The following KRT18 variants were observed in gnomAD, a reference collection of about 807,000 sequenced individuals.
The protein encoded by KRT18 is keratin, type I cytoskeletal 18.
KRT18 carries 8 observed loss-of-function variants against 39.9 expected under a neutral mutation model. That is an observed-to-expected ratio of 0.20 (90% confidence interval 0.12 to 0.36). KRT18 has a LOEUF of 0.36. KRT18 is among the 10% of genes least tolerant of loss of function. The pLI is 1.00. For synonymous variants in KRT18, 194 were observed against 227.8 expected (o/e 0.85, Z 1.33); for missense variants, 396 against 565.7 (o/e 0.70, Z 3.04).
At chr12:52,952,380 G>A (rs1273919958) in intron 6 of KRT18, 38 bp downstream of exon 6, 2 of 1,364,818 alleles carry the variant, frequency 1.5e-6, no homozygotes, top group East Asian at 2.4e-5. Flanking sequence ...GCTGGGATCA[G>A]GAGATCACTT....
chr12:52,952,363 C>A, intron 6 of KRT18, 21 bp downstream of exon 6: 1 of 1,487,118 alleles, frequency 6.7e-7, no homozygotes, highest in Non-Finnish European at 9.3e-7. Flanking sequence ...CTCTCCTACC[C>A]ACACGTGCTG....
chr12:52,951,672 A>C, intron 4 of KRT18, 27 bp downstream of exon 4: 2 of 1,613,304 alleles, frequency 1.2e-6, no homozygotes, highest in South Asian at 2.2e-5. Context: ...GATGGCTGCC[A>C]AGGTGTGGGA....
chr12:52,952,281 G>A lies in KRT18; in HGVS notation c.1111G>A (p.Val371Ile), dbSNP rs1332941249. Residue 371 changes from valine to isoleucine, a missense_variant, in exon 6 of 7, where the codon GTC (valine) becomes ATC (isoleucine). Val to Ile is a conservative substitution (Grantham distance 29). Transcript: ENST00000388835. Reference sequence around the variant, plus strand: ...GTATGAGGCCCTGCTGAACATCAAGGTCAAGCTGGAGGCTGAGATCGCCAC... The same window carrying A: ...GTATGAGGCCCTGCTGAACATCAAGATCAAGCTGGAGGCTGAGATCGCCAC... Reference protein sequence around the residue: ...QEYEALLNIKVKLEAEIATYR... With the variant: ...QEYEALLNIKIKLEAEIATYR... The A allele has an allele frequency of 6.2e-7, 1 of 1,608,970 alleles. No individual in the cohort carries two copies.
rs559688080 is a variant in KRT18 at position 52,952,460 on chromosome 12, G to A, written c.1172+118G>A. The A allele has an allele frequency of 3.7e-4, 302 of 818,812 alleles. 1 individual carries two copies. The highest frequency in any genetic ancestry group is 3.1e-3 in the East Asian group (117 of 37,748). The allele number at this position is 818,812 out of a possible 1,614,324, so 50.7% of individuals were successfully genotyped here. A position where few individuals can be genotyped will look rare whatever the true frequency, so the allele number is the denominator to read the frequency against. ...ACTGGTATCCACTGAGCACTGGGCC[G>A]TTGCTCCGTGGGTGCTCCTGTGTCT... On this transcript the variant is annotated intron_variant, in intron 6 of 6. Transcript: ENST00000388835.
At chr12:52,949,833 T>C (rs1311541257) in intron 1 of KRT18, 1 of 702,760 alleles carries the variant, frequency 1.4e-6, no homozygotes, top group Non-Finnish European at 2.6e-6. Flanking sequence ...ACAGAGGAAG[T>C]GGACAGCATG....
intron 2 of KRT18, 73 bp downstream of exon 2, chr12:52,950,483 G>A (rs963757051): frequency 9.0e-6 from 10 of 1,111,524 alleles, no homozygotes; most frequent in Admixed American, 3.4e-5. Flanking sequence ...GGCTGGGTCA[G>A]TTAGGGGCTC....
In KRT18 at chr12:52,950,773, G is replaced by A. The variant is rs1217770008; in HGVS notation, c.524G>A (p.Arg175His). ...AGGTATGAGACAGAGCTGGCCATGCGCCAGTCTGTGGAGAACGACATCCAT... is the reference window on the plus strand; with the variant it reads ...AGGTATGAGACAGAGCTGGCCATGCACCAGTCTGTGGAGAACGACATCCAT... ...RVKYETELAM[R>H]QSVENDIHGL... The change falls in exon 3 of 7, where the codon CGC becomes CAC. Residue 175 changes from arginine (R) to histidine (H), a missense_variant. Physicochemically the swap from Arg to His is conservative, Grantham distance 29 (BLOSUM62 0). Transcript: ENST00000388835. 8.1e-6 allele frequency: 13 copies of A among 1,610,712 alleles called. No individual in the cohort carries two copies. The East Asian group carries it at 8.9e-5, about 11-fold the overall frequency.
rs1371758556 is a variant in KRT18, at chr12:52,952,759, A to G, written c.1210A>G (p.Thr404Ala). The change falls in exon 7 of 7, where the codon ACC becomes GCC. Residue 404 changes from threonine (T) to alanine (A), a missense_variant. By Grantham distance (58) the Thr-to-Ala change is moderately conservative. Transcript: ENST00000388835. ...DALDSSNSMQTIQKTTTRRIV... is the reference protein window; with the variant it reads ...DALDSSNSMQAIQKTTTRRIV... ...CTTGGACAGCAGCAACTCCATGCAAACCATCCAAAAGACCACCACCCGCCG... is the reference window on the plus strand; with the variant it reads ...CTTGGACAGCAGCAACTCCATGCAAGCCATCCAAAAGACCACCACCCGCCG... 1.9e-6 allele frequency: 3 copies of G among 1,613,048 alleles called. No homozygotes were observed.
rs1221150860 is a variant in KRT18, at chr12:52,949,752, AAGAGCAGCAGCTAGGCATGGGAGG to A, written c.417+163_417+186del. ...CCGCGCACCTAGCCACAGGGTCCCT[AAGAGCAGCAGCTAGGCATGGGAGG>A]GCTCTTTCCCAGGAGAGAGGGGGAA... On this transcript the variant is annotated intron_variant, in intron 1 of 6. Coordinates refer to ENST00000388835, the MANE Select transcript of KRT18 (RefSeq NM_000224.3). The A allele has an allele frequency of 6.8e-6, 5 of 734,946 alleles. No individual in the cohort carries two copies. The East Asian group carries it at 1.3e-4, about 20-fold the overall frequency. The allele number at this position is 734,946 out of a possible 1,614,324, so 45.5% of individuals were successfully genotyped here.
At chr12:52,952,397 A>C in intron 6 of KRT18, 55 bp downstream of exon 6, 1 of 1,275,274 alleles carries the variant, frequency 7.8e-7, no homozygotes, top group Non-Finnish European at 1.1e-6. Flanking sequence ...ACTTCTCCCC[A>C]AAGTCTGAGC....
intron 1 of KRT18, 47 bp from the exon 2 acceptor site, chr12:52,950,281 C>A: frequency 7.3e-7 from 1 of 1,373,142 alleles, no homozygotes; most frequent in Non-Finnish European, 1.0e-6. Context: ...CCCCACCCAT[C>A]CCTGGCTTTC....
chr12:52,951,043 G>C, intron 3 of KRT18, 137 bp downstream of exon 3: 1 of 821,538 alleles, frequency 1.2e-6, no homozygotes, highest in Non-Finnish European at 1.9e-6. Context: ...TCTTAAATAA[G>C]ACCGTTCTGA....
chr12:52,949,046 C>G, upstream of KRT18: 1 of 896,286 alleles, frequency 1.1e-6, no homozygotes, highest in Admixed American at 2.0e-5. Flanking sequence ...GTGGCTCCGG[C>G]TTCCGAAGCG....
chr12:52,950,472 A>G (rs1008038912), intron 2 of KRT18, 62 bp downstream of exon 2: 57 of 1,233,500 alleles, frequency 4.6e-5, no homozygotes, highest in Non-Finnish European at 6.8e-5. Flanking sequence ...TCTGCTCCCC[A>G]GGCTGGGTCA....
chr12:52,951,726 T>C lies in KRT18; in HGVS notation c.823-5T>C, dbSNP rs371482556. On this transcript the variant is annotated splice_polypyrimidine_tract_variant and splice_region_variant and intron_variant, in intron 4 of 6. Coordinates refer to ENST00000388835, the MANE Select transcript of KRT18 (RefSeq NM_000224.3). The stretch of plus-strand genomic sequence containing the variant: ...GGGGCCTGATGGACTGTCCCCATCC[T>C]GCAGATTGAGGAGAGCACCACAGTG... The C allele has an allele frequency of 1.6e-5, 26 of 1,613,324 alleles. No homozygotes were observed. In the Middle Eastern group the frequency reaches 5.3e-4, roughly 33 times the overall value.
Position 52,949,419 on chromosome 12 carries a change from G to A in KRT18, c.246G>A (p.Glu82=). Reference sequence around the variant, plus strand: ...TGGGAGGCATCCAGAACGAGAAGGAGACCATGCAAAGCCTGAACGACCGCC... The same window carrying A: ...TGGGAGGCATCCAGAACGAGAAGGAAACCATGCAAAGCCTGAACGACCGCC... The part of the protein sequence containing the change: ...AGMGGIQNEK[E]TMQSLNDRLA... The change falls in exon 1 of 7, where the codon GAG becomes GAA. Residue 82 remains glutamate, a synonymous_variant. Coordinates refer to ENST00000388835, the MANE Select transcript of KRT18 (RefSeq NM_000224.3). 6.2e-7 allele frequency: 1 copy of A among 1,612,770 alleles called. No homozygotes were observed. Among genetic ancestry groups the A allele is most frequent in the Non-Finnish European group, 8.5e-7 (1 of 1,180,042 alleles).
chr12:52,952,452 A>G (rs1006610943), intron 6 of KRT18, 110 bp downstream of exon 6: 14 of 850,582 alleles, frequency 1.6e-5, no homozygotes, highest in African/African-American at 6.6e-5. Context: ...TCCACTGAGC[A>G]CTGGGCCGTT....
intron 5 of KRT18, 85 bp downstream of exon 5, chr12:52,951,941 T>C (rs1942498166): frequency 6.6e-7 from 1 of 1,518,206 alleles, no homozygotes; most frequent in Non-Finnish European, 9.1e-7. Flanking sequence ...CTATCCCTCA[T>C]ATCATGAGTT....
intron 1 of KRT18, chr12:52,949,919 C>A (rs1234874900): frequency 1.5e-6 from 1 of 651,938 alleles, no homozygotes; most frequent in Non-Finnish European, 2.8e-6. Context: ...GAGGGTTAAG[C>A]GGATGTGGCT....
Sources: gnomAD v4.1 joint callset for allele counts on GRCh38, gnomAD v4.1.1 for gene constraint, MANE v1.5 for transcripts, NCBI Gene and HGNC (gene_info 2026-07-23, HGNC 2026-07-21) for gene names.